The following GRAMD1A variants were observed in gnomAD, a reference collection of about 807,000 sequenced individuals.
The protein encoded by GRAMD1A is protein Aster-A.
Under a neutral mutation model 92.0 loss-of-function variants are expected in GRAMD1A, and 50 were observed. The ratio of observed to expected loss-of-function variants is 0.54; its 90% CI spans 0.43 to 0.69. The LOEUF (loss-of-function observed/expected upper bound fraction) is 0.69. Ranked by LOEUF, GRAMD1A falls within the 30% of genes least tolerant of loss-of-function variation. The probability of loss-of-function intolerance (pLI) is 0.00; values close to 1 mark genes in which losing one functional copy is unlikely to be tolerated. For missense variants in GRAMD1A, 819 were observed against 978.9 expected (o/e 0.84, Z 2.18); for synonymous variants, 405 against 403.6 (o/e 1.00, Z -0.04).
chr19:35,023,089 C>T, intron 17 of GRAMD1A, 147 bp from the exon 18 acceptor site: 1 of 799,584 alleles, frequency 1.3e-6, no homozygotes, highest in East Asian at 2.4e-5. Context: ...ATGGACTGTG[C>T]AACCCTAGGC....
Position 35,009,185 on chromosome 19 carries a change from C to T in GRAMD1A, c.75C>T (p.Leu25=). 1 of 1,614,000 alleles carries T rather than the reference C, an allele frequency of 6.2e-7. No individual in the cohort carries two copies. The highest frequency in any genetic ancestry group is 1.1e-5 in the South Asian group (1 of 91,070). The change falls in exon 2 of 20, where the codon CTC becomes CTT. Residue 25 remains leucine, a synonymous_variant. Transcript: ENST00000317991. ...SSPSLRKRLQ[L]LPPSRPPPEP... is the part of the protein sequence containing the mutation. ...CATCGCTCCGGAAACGGCTGCAGCTCCTGCCCCCAAGCCGGCCCCCACCTG... is the reference window on the plus strand; with the variant it reads ...CATCGCTCCGGAAACGGCTGCAGCTTCTGCCCCCAAGCCGGCCCCCACCTG...
chr19:35,020,219 C>G (rs1394398650), intron 13 of GRAMD1A, among the ~76,000 whole-genome samples: 1 of 152,118 alleles, frequency 6.6e-6, no homozygotes, highest in Non-Finnish European at 1.5e-5. Flanking sequence ...TACGGAAGCC[C>G]TGTCTCTACA....
rs1184967267 is a variant in GRAMD1A, at chr19:35,010,083, C to T, written c.326-9C>T. On this transcript the variant is annotated splice_polypyrimidine_tract_variant and intron_variant, in intron 4 of 19. Coordinates refer to ENST00000317991, the MANE Select transcript of GRAMD1A (RefSeq NM_020895.5). ...TGGGTGTCCTCCTGTCTCTCCCCGC[C>T]CCTCTCAGATTACTCCTGCGCCCTG... The T allele has an allele frequency of 2.5e-6, 4 of 1,589,984 alleles. No individual in the cohort carries two copies. The highest frequency in any genetic ancestry group is 3.5e-6 in the Non-Finnish European group (4 of 1,158,102).
chr19:35,019,487 C>T lies in GRAMD1A; in HGVS notation c.1429C>T (p.His477Tyr). The T allele has an allele frequency of 6.2e-7, 1 of 1,614,044 alleles. No homozygotes were observed. The highest frequency in any genetic ancestry group is 8.5e-7 in the Non-Finnish European group (1 of 1,179,944). ...IPYQDYFYTA[H>Y]RYCILGLARN... ...CTACCAGGACTACTTCTACACTGCC[C>T]ACCGCTACTGCATCCTGGGTCTGGC... Residue 477 changes from histidine (H) to tyrosine (Y), a missense_variant, in exon 13 of 20, where the codon CAC becomes TAC. His to Tyr is a moderately conservative substitution (Grantham distance 83). This residue lies in a region of GRAMD1A where 577 missense variants were observed against 674.6 expected (regional missense o/e 0.86). Coordinates refer to ENST00000317991, the MANE Select transcript of GRAMD1A (RefSeq NM_020895.5).
At position 35,010,117 on chromosome 19, in the gene GRAMD1A, G is replaced by C; in HGVS notation, c.351G>C (p.Glu117Asp). 1.2e-6 allele frequency: 2 copies of C among 1,611,788 alleles called. No individual in the cohort carries two copies. Among genetic ancestry groups the C allele is most frequent in the Non-Finnish European group, 1.7e-6 (2 of 1,177,832 alleles). Residue 117 changes from glutamate to aspartate, a missense_variant, in exon 5 of 20, where the codon GAG becomes GAC. This residue lies in a region of GRAMD1A where 144 missense variants were observed against 220.3 expected (regional missense o/e 0.65). Coordinates refer to ENST00000317991, the MANE Select transcript of GRAMD1A (RefSeq NM_020895.5). Reference protein sequence around the residue: ...IVDYSCALQREILLQGRLYLS... With the variant: ...IVDYSCALQRDILLQGRLYLS... Reference sequence around the variant, plus strand: ...ATTACTCCTGCGCCCTGCAGCGTGAGATCCTGCTCCAGGGCCGCCTCTACC... The same window carrying C: ...ATTACTCCTGCGCCCTGCAGCGTGACATCCTGCTCCAGGGCCGCCTCTACC...
chr19:35,015,555 G>C, intron 10 of GRAMD1A: 1 of 393,576 alleles, frequency 2.5e-6, no homozygotes. Context: ...CGTGCTATCT[G>C]GTAATGAATC....
At position 35,026,340 on chromosome 19, in the gene GRAMD1A, C is replaced by T. The variant is rs1054867259; in HGVS notation, c.*199C>T. ...GAGCTGGCCCGGCCTCTGGCAGGCC[C>T]CCCACTAACTTATTTTGCCCGGCTG... On this transcript the variant is annotated 3_prime_UTR_variant, in exon 20 of 20. Transcript: ENST00000317991. 3 of 588,208 alleles carry T rather than the reference C, an allele frequency of 5.1e-6. No individual in the cohort carries two copies. Among genetic ancestry groups the T allele is most frequent in the Middle Eastern group, 9.1e-4 (2 of 2,198 alleles). The allele number at this position is 588,208 out of a possible 1,614,324, so 36.4% of individuals were successfully genotyped here.
At chr19:35,009,574 C>A in intron 3 of GRAMD1A, 131 bp downstream of exon 3, 1 of 929,638 alleles carries the variant, frequency 1.1e-6, no homozygotes. Flanking sequence ...ACGTTCTATG[C>A]TATTATTTAT....
rs2015471616 is a variant in GRAMD1A, at chr19:35,014,336, G to A, written c.1018G>A (p.Glu340Lys). Residue 340 changes from glutamate to lysine, a missense_variant, in exon 10 of 20, where the codon GAG (glutamate) becomes AAG (lysine). Transcript: ENST00000317991. ...GGGCCCCTTGGATCTGCTGCCCAGT[G>A]AGGAGCTATTGACAGACACAAGTAA... ...TLGPLDLLPSEELLTDTSNSS... is the reference protein window; with the variant it reads ...TLGPLDLLPSKELLTDTSNSS... 6.2e-7 allele frequency: 1 copy of A among 1,614,188 alleles called. No individual in the cohort carries two copies. The highest frequency in any genetic ancestry group is 1.3e-5 in the African/African-American group (1 of 75,056).
Position 35,026,182 on chromosome 19 carries a change from GAC to G in GRAMD1A, c.*47_*48del. ...AGCTGTTCCCCCACATGGACAGATGGACACACAGAGCCTCGGCGGCCACTGCT... is the reference window on the plus strand; with the variant it reads ...AGCTGTTCCCCCACATGGACAGATGGACACAGAGCCTCGGCGGCCACTGCT... On this transcript the variant is annotated 3_prime_UTR_variant, in exon 20 of 20. Coordinates refer to ENST00000317991, the MANE Select transcript of GRAMD1A (RefSeq NM_020895.5). The G allele has an allele frequency of 9.7e-7, 1 of 1,027,048 alleles. No individual in the cohort carries two copies. Among genetic ancestry groups the G allele is most frequent in the Admixed American group, 1.7e-5 (1 of 59,190 alleles). The allele number at this position is 1,027,048 out of a possible 1,614,324, so 63.6% of individuals were successfully genotyped here. A position where few individuals can be genotyped will look rare whatever the true frequency, so the allele number is the denominator to read the frequency against.
upstream of GRAMD1A, chr19:34,996,179 C>A (rs1489516339): frequency 1.2e-5 from 19 of 1,535,738 alleles, no homozygotes; most frequent in Non-Finnish European, 1.7e-5. Flanking sequence ...CCTGGAGGTG[C>A]CCATCATTCA....
chr19:35,001,151 T>G (rs2014338187), intron 1 of GRAMD1A: 1 of 152,312 alleles, frequency 6.6e-6, no homozygotes, highest in South Asian at 2.1e-4. Context: ...TGTACGTGTG[T>G]CTGGGGCTGC....
At position 35,000,807 on chromosome 19, in the gene GRAMD1A, C is replaced by T. The variant is rs1290625801; in HGVS notation, c.8+321C>T. Among the ~76,000 whole-genome samples the T allele has an allele frequency of 2.0e-5, 3 of 152,116 alleles. No homozygotes were observed. The highest frequency in any genetic ancestry group is 4.4e-5 in the Non-Finnish European group (3 of 67,982). The stretch of plus-strand genomic sequence containing the variant: ...CGGGGAGGGCCCTCAGGCCTGGCAA[C>T]CCCCTGCCTGGTAAGCCAGGGGTGA... On this transcript the variant is annotated intron_variant, in intron 1 of 19. Coordinates refer to ENST00000317991, the MANE Select transcript of GRAMD1A (RefSeq NM_020895.5). The surrounding 1 kb of genome is among the most constrained non-coding windows in gnomAD (Gnocchi z 4.9).
Position 35,022,884 on chromosome 19 carries a change from A to ACTG in GRAMD1A, c.1842-5_1842-3dup, listed in dbSNP as rs552376610. On this transcript the variant is annotated splice_polypyrimidine_tract_variant and intron_variant, in intron 16 of 19. Transcript: ENST00000317991. Reference sequence around the variant, plus strand: ...GGCGCTCATCTCTCTGTCTCCCCTCACTGCTGCTGCTGCAGGATCTGTGTG... The same window carrying ACTG: ...GGCGCTCATCTCTCTGTCTCCCCTCACTGCTGCTGCTGCTGCAGGATCTGTGTG... 4.8e-3 allele frequency: 7,663 copies of ACTG among 1,600,810 alleles called. 311 individuals carry two copies. The South Asian group carries it at 0.077, about 16-fold the overall frequency.
intron 13 of GRAMD1A, among the ~76,000 whole-genome samples, chr19:35,020,339 G>GACC (rs1267673429): frequency 5.3e-5 from 8 of 152,168 alleles, no homozygotes; most frequent in Admixed American, 5.2e-4. Flanking sequence ...AGGGGTTCGA[G>GACC]ACCAGCCTGG....
rs569927269 is a variant in GRAMD1A at position 35,021,360 on chromosome 19, G to T, written c.1476-142G>T. On this transcript the variant is annotated intron_variant, in intron 13 of 19. Transcript: ENST00000317991. The surrounding 1 kb of genome is among the most constrained non-coding windows in gnomAD (Gnocchi z 5.3). ...ATGGGGTATCCAGGGAAGCCATGGG[G>T]GGTAGGGAACCCATCTGTTTTGTCT... 26 of 659,138 alleles carry T rather than the reference G, an allele frequency of 3.9e-5. 1 individual carries two copies. The South Asian group carries it at 4.5e-4, about 11-fold the overall frequency. 40.8% of individuals were successfully genotyped at this position (659,138 alleles called of 1,614,324 possible).
chr19:35,014,139 C>T, intron 9 of GRAMD1A, 50 bp from the exon 10 acceptor site: 1 of 1,540,954 alleles, frequency 6.5e-7, no homozygotes, highest in East Asian at 2.2e-5. Context: ...CTTGGGAGCC[C>T]TGGGGCTGGG....
Position 35,009,712 on chromosome 19 carries a change from G to T in GRAMD1A, c.241-176G>T, listed in dbSNP as rs990489226. On this transcript the variant is annotated intron_variant, in intron 3 of 19. Coordinates refer to ENST00000317991, the MANE Select transcript of GRAMD1A (RefSeq NM_020895.5). ...AGTGATGCTGGTGGGTGCTTGGTAC[G>T]GGGCCCGGCTTACATAAGAAATCTG... The T allele has an allele frequency of 1.7e-5, 11 of 642,046 alleles. 1 individual carries two copies. In the African/African-American group the frequency reaches 2.0e-4, roughly 12 times the overall value. 39.8% of individuals were successfully genotyped at this position (642,046 alleles called of 1,614,324 possible). A position where few individuals can be genotyped will look rare whatever the true frequency, so the allele number is the denominator to read the frequency against.
At position 35,019,480 on chromosome 19, in the gene GRAMD1A, C is replaced by T. The variant is rs749681205; in HGVS notation, c.1422C>T (p.Tyr474=). 1 of 1,614,030 alleles carries T rather than the reference C, an allele frequency of 6.2e-7. No homozygotes were observed. Among genetic ancestry groups the T allele is most frequent in the Non-Finnish European group, 8.5e-7 (1 of 1,179,930 alleles). ...GCATCCCCTACCAGGACTACTTCTA[C>T]ACTGCCCACCGCTACTGCATCCTGG... ...TQGIPYQDYF[Y]TAHRYCILGL... Residue 474 remains tyrosine (Y), a synonymous_variant, in exon 13 of 20, where the codon TAC becomes TAT. Coordinates refer to ENST00000317991, the MANE Select transcript of GRAMD1A (RefSeq NM_020895.5).
Sources: gnomAD v4.1 joint callset for allele counts (sites outside exome capture counted in the v4.1 genomes callset) on GRCh38, gnomAD v4.1.1 for gene constraint, gnomAD v4.1.1 regional missense constraint, Gnocchi (gnomAD v3.1) non-coding constraint, MANE v1.5 for transcripts, NCBI Gene and HGNC (gene_info 2026-07-23, HGNC 2026-07-21) for gene names.